The following SLC45A2 variants were observed in gnomAD, a reference collection of about 807,000 sequenced individuals.
SLC45A2 encodes the protein solute carrier family 45 member 2, also known as membrane-associated transporter protein.
A neutral mutation model predicts 45.5 loss-of-function variants in SLC45A2; 36 were observed. The observed-to-expected ratio is 0.79, with a 90% CI of 0.61 to 1.04. SLC45A2 has a LOEUF of 1.04. SLC45A2 is among the 50% of genes least tolerant of loss of function. The pLI is 0.00. For missense variants in SLC45A2, 719 were observed against 671.0 expected (o/e 1.07, Z -0.79); for synonymous variants, 306 against 269.3 (o/e 1.14, Z -1.33).
At chr5:33,958,969 G>A (rs370424152) in intron 3 of SLC45A2, among the ~76,000 whole-genome samples, 2 of 152,128 alleles carry the variant, frequency 1.3e-5, no homozygotes, top group African/African-American at 2.4e-5. Flanking sequence ...CTATTATCAC[G>A]TATATACTTT....
chr5:33,964,806 T>C (rs1183197481), intron 2 of SLC45A2, among the ~76,000 whole-genome samples: 1 of 152,186 alleles, frequency 6.6e-6, no homozygotes, highest in Non-Finnish European at 1.5e-5. Flanking sequence ...TAGTTATTCC[T>C]TTTTTGAGTT....
Position 33,969,487 on chromosome 5 carries a change from C to CT in SLC45A2, c.563-5472dup, listed in dbSNP as rs542734186. ...CATCCCTTTCTCTCATTGGGCCCTT[C>CT]TTTCACATTTAAGCTGGGCCAGGAT... On this transcript the variant is annotated intron_variant, in intron 2 of 6. Transcript: ENST00000296589. Among the ~76,000 whole-genome samples, 8 of 152,250 alleles carry CT rather than the reference C, an allele frequency of 5.3e-5. No homozygotes were observed. The East Asian group carries it at 1.5e-3, about 29-fold the overall frequency.
rs1751878619 is a variant in SLC45A2, at chr5:33,944,884, G to A, written c.1369-12C>T. 3.7e-6 allele frequency: 6 copies of A among 1,605,330 alleles called. No individual in the cohort carries two copies. The highest frequency in any genetic ancestry group is 1.7e-5 in the Admixed American group (1 of 58,828). ...GGGGCCTGCTGCCTCTGCAAAGGAAGCACAGAACCACCATTTGACCTACAA... is the reference window on the plus strand; with the variant it reads ...GGGGCCTGCTGCCTCTGCAAAGGAAACACAGAACCACCATTTGACCTACAA... On this transcript the variant is annotated splice_polypyrimidine_tract_variant and intron_variant, in intron 6 of 6. Coordinates refer to ENST00000296589, the MANE Select transcript of SLC45A2 (RefSeq NM_016180.5).
intron 2 of SLC45A2, among the ~76,000 whole-genome samples, chr5:33,979,274 G>T (rs1753009268): frequency 6.6e-6 from 1 of 152,218 alleles, no homozygotes; most frequent in African/African-American, 2.4e-5. Flanking sequence ...GTCATAGGAA[G>T]ATTCAAAGAT....
In SLC45A2 at chr5:33,982,135, T is replaced by C. The variant is rs954565304; in HGVS notation, c.562+101A>G. The C allele has an allele frequency of 3.0e-6, 4 of 1,352,246 alleles. No individual in the cohort carries two copies. In the African/African-American group the frequency reaches 5.7e-5, roughly 19 times the overall value. The allele number at this position is 1,352,246 out of a possible 1,614,324, so 83.8% of individuals were successfully genotyped here. A position where few individuals can be genotyped will look rare whatever the true frequency, so the allele number is the denominator to read the frequency against. On this transcript the variant is annotated intron_variant, in intron 2 of 6. Coordinates refer to ENST00000296589, the MANE Select transcript of SLC45A2 (RefSeq NM_016180.5). ...CGGGAGCAGCCCATCAGCTGACCCG[T>C]TCATTCAAAAAACTCCACGTGTAGA...
intron 6 of SLC45A2, chr5:33,945,913 A>C: frequency 1.0e-6 from 1 of 961,004 alleles, no homozygotes; most frequent in Non-Finnish European, 1.2e-6. Context: ...AGATTAACAA[A>C]AAACTAGTAA....
intron 2 of SLC45A2, among the ~76,000 whole-genome samples, chr5:33,976,908 G>A (rs1265608304): frequency 6.6e-6 from 1 of 152,058 alleles, no homozygotes; most frequent in East Asian, 1.9e-4. Context: ...GCGGCAACAA[G>A]GGTAAAAGTG....
chr5:33,973,543 T>C (rs1752843691), intron 2 of SLC45A2, among the ~76,000 whole-genome samples: 2 of 152,266 alleles, frequency 1.3e-5, no homozygotes, highest in Non-Finnish European at 2.9e-5. Context: ...AAAGAGTCTC[T>C]TGTTTCAATT....
At chr5:33,983,006 G>A (rs913954113) in intron 1 of SLC45A2, among the ~76,000 whole-genome samples, 3 of 152,178 alleles carry the variant, frequency 2.0e-5, no homozygotes, top group African/African-American at 7.2e-5. Flanking sequence ...ACTATCGCTT[G>A]TATGTCTTGT....
Position 33,984,494 on chromosome 5 carries a change from TC to T in SLC45A2, c.89del (p.Arg30AsnfsTer27). On this transcript the variant is annotated frameshift_variant, in exon 1 of 7. Transcript: ENST00000296589. LOFTEE classifies it high-confidence loss of function. ...GPFDSVEPPK[R>X]PTSRLIMHSM... ...TGTGCATGATGAGTCTGCTGGTGGG[TC>T]TTTTAGGCGGCTCCACAGAGTCAAA... is the stretch of plus-strand genomic sequence containing the variant. The T allele has an allele frequency of 6.2e-7, 1 of 1,613,344 alleles. No homozygotes were observed. Among genetic ancestry groups the T allele is most frequent in the Non-Finnish European group, 8.5e-7 (1 of 1,180,018 alleles).
intron 2 of SLC45A2, among the ~76,000 whole-genome samples, chr5:33,969,583 A>C (rs2111979649): frequency 6.6e-6 from 1 of 152,344 alleles, no homozygotes; most frequent in South Asian, 2.1e-4. Context: ...CTTGCTTCAG[A>C]GTTCCGAAAG....
rs1162003844 is a variant in SLC45A2, at chr5:33,944,782, G to T, written c.1459C>A (p.Gln487Lys). The change falls in exon 7 of 7, where the codon CAG becomes AAG. Residue 487 changes from glutamine (Q) to lysine (K), a missense_variant. Physicochemically the swap from Gln to Lys is moderately conservative, Grantham distance 53 (BLOSUM62 1). Coordinates refer to ENST00000296589, the MANE Select transcript of SLC45A2 (RefSeq NM_016180.5). ...CCCAGGCCACCTCCGACCAGGATCT[G>T]AGCCAGCTGCACCATGCATGTGAGG... The part of the protein sequence containing the change: ...ATLTCMVQLA[Q>K]ILVGGGLGFL... The T allele has an allele frequency of 6.2e-7, 1 of 1,614,058 alleles. No individual in the cohort carries two copies. Among genetic ancestry groups the T allele is most frequent in the African/African-American group, 1.3e-5 (1 of 74,928 alleles).
chr5:33,954,533 A>G (rs761918636), intron 3 of SLC45A2, 29 bp from the exon 4 acceptor site: 25 of 1,612,462 alleles, frequency 1.6e-5, no homozygotes, highest in Non-Finnish European at 2.1e-5. Context: ...CAGAGGTGTG[A>G]TCTTCACTGC....
chr5:33,957,628 A>G (rs1302974472), intron 3 of SLC45A2, among the ~76,000 whole-genome samples: 3 of 152,160 alleles, frequency 2.0e-5, no homozygotes, highest in Non-Finnish European at 4.4e-5. Flanking sequence ...CAGAATTACT[A>G]CTTTTTCCTC....
At chr5:33,977,007 C>A (rs1307531133) in intron 2 of SLC45A2, among the ~76,000 whole-genome samples, 1 of 152,280 alleles carries the variant, frequency 6.6e-6, no homozygotes, top group Non-Finnish European at 1.5e-5. Context: ...TATTTGTCGA[C>A]AAGGCCTTTA....
intron 3 of SLC45A2, among the ~76,000 whole-genome samples, chr5:33,962,156 T>C (rs565069037): frequency 1.1e-4 from 16 of 152,244 alleles, no homozygotes; most frequent in Non-Finnish European, 1.9e-4. Flanking sequence ...CATTGTTTTA[T>C]AGCATTTACC....
chr5:33,959,104 C>T (rs945968184), intron 3 of SLC45A2, among the ~76,000 whole-genome samples: 3 of 151,918 alleles, frequency 2.0e-5, no homozygotes, highest in Non-Finnish European at 2.9e-5. Context: ...GGATGTATTG[C>T]AGGATTTAAA....
chr5:33,951,797 G>A, intron 4 of SLC45A2, 120 bp from the exon 5 acceptor site: 2 of 1,221,812 alleles, frequency 1.6e-6, no homozygotes, highest in Admixed American at 3.4e-5. Flanking sequence ...CCTTTCTAGA[G>A]TACAGAGCTG....
chr5:33,972,806 G>A (rs1752825830), intron 2 of SLC45A2, among the ~76,000 whole-genome samples: 1 of 152,196 alleles, frequency 6.6e-6, no homozygotes, highest in African/African-American at 2.4e-5. Flanking sequence ...ATGGAAGTAT[G>A]TATGTTTGCT....
Sources: allele counts gnomAD v4.1 joint callset (sites outside exome capture counted in the v4.1 genomes callset), GRCh38; gene constraint gnomAD v4.1.1; transcripts MANE v1.5; gene names NCBI Gene and HGNC (gene_info 2026-07-23, HGNC 2026-07-21).